The following RFTN1 variants were observed in gnomAD, a reference collection of about 807,000 sequenced individuals.
The protein encoded by RFTN1 is raftlin, lipid raft linker 1.
In RFTN1, 26 loss-of-function variants were observed where a neutral mutation model predicts 46.5. The observed-to-expected ratio is 0.56, with a 90% CI of 0.41 to 0.78. RFTN1 has a LOEUF of 0.78. Among genes scored for constraint, RFTN1 ranks in the 30% least tolerant of loss-of-function variants. RFTN1 has a pLI of 0.00. For missense variants in RFTN1, 693 were observed against 718.7 expected (o/e 0.96, Z 0.41); for synonymous variants, 261 against 284.2 (o/e 0.92, Z 0.82).
intron 2 of RFTN1, among the ~76,000 whole-genome samples, chr3:16,467,891 C>T (rs1369158787): frequency 6.6e-6 from 1 of 152,138 alleles, no homozygotes; most frequent in Admixed American, 6.5e-5. Flanking sequence ...ATCCCTCACC[C>T]CACTCGTGCA....
chr3:16,395,215 G>T (rs2074438848), intron 4 of RFTN1, among the ~76,000 whole-genome samples: 1 of 152,224 alleles, frequency 6.6e-6, no homozygotes, highest in Admixed American at 6.5e-5. Flanking sequence ...GGAAAAATAG[G>T]AGCTTGTCTT....
chr3:16,393,651 C>CCT (rs2074400593), intron 4 of RFTN1, among the ~76,000 whole-genome samples: 1 of 141,702 alleles, frequency 7.1e-6, no homozygotes, highest in Non-Finnish European at 1.5e-5. Flanking sequence ...AGCTGATGGA[C>CCT]TTTTTTTTTT....
rs954163033 is a variant in RFTN1, at chr3:16,370,248, C to A, written c.858G>T (p.Pro286=). The A allele has an allele frequency of 6.2e-7, 1 of 1,614,036 alleles. No homozygotes were observed. Among genetic ancestry groups the A allele is most frequent in the Non-Finnish European group, 8.5e-7 (1 of 1,180,018 alleles). The change falls in exon 6 of 10, where the codon CCG becomes CCT. Residue 286 remains proline (P), a synonymous_variant. Coordinates refer to ENST00000334133, the MANE Select transcript of RFTN1 (RefSeq NM_015150.2). The surrounding 1 kb of genome is among the most constrained non-coding windows in gnomAD (Gnocchi z 5.5). ...KMEIFTLFNK[P]KSHQKCRQYY... ...ATTGCCGGCACTTCTGATGGCTCTT[C>A]GGTTTGTTGAAAAGGGTGAAGATCT...
At chr3:16,405,840 C>G (rs1014519707) in intron 4 of RFTN1, among the ~76,000 whole-genome samples, 1 of 152,126 alleles carries the variant, frequency 6.6e-6, no homozygotes, top group Admixed American at 6.6e-5. Flanking sequence ...CCATCTCATC[C>G]TAAGATCAAT....
chr3:16,370,076 CA>C lies in RFTN1; in HGVS notation c.1029del (p.Asn343LysfsTer7), dbSNP rs1466791588. On this transcript the variant is annotated frameshift_variant and splice_region_variant, in exon 6 of 10. Transcript: ENST00000334133. LOFTEE classifies it high-confidence loss of function. This position sits in a 1 kb window ranked among gnomAD's most constrained non-coding sequence, Gnocchi z 5.5. ...CAAGGACTGTGAATTCCAAACATAC[CA>C]TTCACTATTCCAAGGTAGAAGACTG... ...VNAVFYLGIV[N>X]DSLHGLTDGV... The C allele has an allele frequency of 6.2e-7, 1 of 1,613,832 alleles. No homozygotes were observed. The highest frequency in any genetic ancestry group is 2.2e-5 in the East Asian group (1 of 44,878).
Position 16,342,981 on chromosome 3 carries a change from C to T in RFTN1, c.1146+14951G>A, listed in dbSNP as rs1223986825. 6.6e-6 allele frequency among the ~76,000 whole-genome samples: 1 copy of T among 152,188 alleles called. No individual in the cohort carries two copies. The highest frequency in any genetic ancestry group is 2.4e-5 in the African/African-American group (1 of 41,454). Reference sequence around the variant, plus strand: ...CAGCCCCTCTGAGTCGCTGGGAATACAGGCACACACCACCATGCCCAGCTA... The same window carrying T: ...CAGCCCCTCTGAGTCGCTGGGAATATAGGCACACACCACCATGCCCAGCTA... On this transcript the variant is annotated intron_variant, in intron 7 of 9. Coordinates refer to ENST00000334133, the MANE Select transcript of RFTN1 (RefSeq NM_015150.2). The surrounding 1 kb of genome is among the most constrained non-coding windows in gnomAD (Gnocchi z 4.0).
chr3:16,340,874 C>T (rs1349499325), intron 7 of RFTN1, among the ~76,000 whole-genome samples: 2 of 152,038 alleles, frequency 1.3e-5, no homozygotes, highest in Non-Finnish European at 2.9e-5. Context: ...GAAGACAAGT[C>T]AAAGACTAGG....
At chr3:16,482,883 G>T in intron 2 of RFTN1, 2 of 1,510,886 alleles carry the variant, frequency 1.3e-6, no homozygotes, top group Non-Finnish European at 1.8e-6. Flanking sequence ...CTCCCACCGG[G>T]GTGAGCTTAA....
chr3:16,326,764 T>TA lies in RFTN1; in HGVS notation c.1250+8dup. 1.2e-6 allele frequency: 2 copies of TA among 1,605,634 alleles called. No homozygotes were observed. The highest frequency in any genetic ancestry group is 1.7e-6 in the Non-Finnish European group (2 of 1,172,314). ...TCAATAGAATCCTAATGATTACTGT[T>TA]ATTGTTACCTGGTAGTCTTGACGAC... On this transcript the variant is annotated intron_variant, in intron 8 of 9. Transcript: ENST00000334133.
Position 16,374,425 on chromosome 3 carries a change from A to C in RFTN1, c.826+3293T>G, listed in dbSNP as rs1469180236. 6.6e-6 allele frequency among the ~76,000 whole-genome samples: 1 copy of C among 152,176 alleles called. No homozygotes were observed. Among genetic ancestry groups the C allele is most frequent in the East Asian group, 1.9e-4 (1 of 5,190 alleles). On this transcript the variant is annotated intron_variant, in intron 5 of 9. Coordinates refer to ENST00000334133, the MANE Select transcript of RFTN1 (RefSeq NM_015150.2). The surrounding 1 kb of genome is among the most constrained non-coding windows in gnomAD (Gnocchi z 5.4). ...GGGAGGGGGCCGCATCATGGGGTCC[A>C]ACTATCCCAAGGGAGTTGGGAGGGA...
chr3:16,482,826 AGAACAGCCTTTCTGCCAT>A, intron 2 of RFTN1: 1 of 1,536,100 alleles, frequency 6.5e-7, no homozygotes, highest in Non-Finnish European at 8.7e-7. Context: ...GCGCAGGGGC[AGAACAGCCTTTCTGCCAT>A]GAAGATGAAG....
rs1463501758 is a variant in RFTN1 at position 16,382,802 on chromosome 3, C to T, written c.442-4700G>A. ...TCTCCATAAAGTGACCATCCAAGCT[C>T]ACTTTATTTCAAGCCCTCATCATCT... On this transcript the variant is annotated intron_variant, in intron 4 of 9. Coordinates refer to ENST00000334133, the MANE Select transcript of RFTN1 (RefSeq NM_015150.2). This position sits in a 1 kb window ranked among gnomAD's most constrained non-coding sequence, Gnocchi z 4.7. 6.6e-6 allele frequency among the ~76,000 whole-genome samples: 1 copy of T among 152,176 alleles called. No individual in the cohort carries two copies. Among genetic ancestry groups the T allele is most frequent in the Non-Finnish European group, 1.5e-5 (1 of 68,028 alleles).
At chr3:16,363,946 T>C (rs1005375750) in intron 6 of RFTN1, among the ~76,000 whole-genome samples, 1 of 152,226 alleles carries the variant, frequency 6.6e-6, no homozygotes, top group African/African-American at 2.4e-5. Context: ...GCAAATGTAA[T>C]CACCGCTCAA....
At position 16,344,411 on chromosome 3, in the gene RFTN1, C is replaced by T. The variant is rs147087133; in HGVS notation, c.1146+13521G>A. The stretch of plus-strand genomic sequence containing the variant: ...TAGAAACAACATGTAAAAACAGATA[C>T]ATTCAGAAAAGGCGGCTCTGGTTGA... On this transcript the variant is annotated intron_variant, in intron 7 of 9. Coordinates refer to ENST00000334133, the MANE Select transcript of RFTN1 (RefSeq NM_015150.2). The surrounding 1 kb of genome is among the most constrained non-coding windows in gnomAD (Gnocchi z 4.4). Among the ~76,000 whole-genome samples the T allele has an allele frequency of 1.3e-4, 19 of 151,968 alleles. No individual in the cohort carries two copies. In the East Asian group the frequency reaches 3.5e-3, roughly 28 times the overall value.
chr3:16,360,058 A>G (rs1475114466), intron 6 of RFTN1, among the ~76,000 whole-genome samples: 1 of 152,226 alleles, frequency 6.6e-6, no homozygotes, highest in Admixed American at 6.5e-5. Context: ...TTTTATATAT[A>G]AAAAGCTTTT....
At chr3:16,505,438 T>A (rs1272817034) in intron 1 of RFTN1, among the ~76,000 whole-genome samples, 2 of 151,450 alleles carry the variant, frequency 1.3e-5, no homozygotes, top group African/African-American at 4.8e-5. Flanking sequence ...ACCAGTCAGA[T>A]GTGTGTGTGT....
At chr3:16,469,668 T>A (rs774338296) in intron 2 of RFTN1, among the ~76,000 whole-genome samples, 3 of 152,204 alleles carry the variant, frequency 2.0e-5, no homozygotes, top group African/African-American at 7.2e-5. Context: ...GGGGCAGACA[T>A]GCTGGCCTGA....
chr3:16,401,980 C>T (rs2074615187), intron 4 of RFTN1, among the ~76,000 whole-genome samples: 2 of 152,228 alleles, frequency 1.3e-5, no homozygotes, highest in Admixed American at 1.3e-4. Context: ...ACACCTCAGA[C>T]ACCCACATCT....
At chr3:16,368,490 C>T (rs1210716660) in intron 6 of RFTN1, among the ~76,000 whole-genome samples, 8 of 152,094 alleles carry the variant, frequency 5.3e-5, no homozygotes, top group East Asian at 1.9e-4. Flanking sequence ...GCTAACACAG[C>T]GAAACCCCAT....
Sources: gnomAD v4.1 joint callset for allele counts (sites outside exome capture counted in the v4.1 genomes callset) on GRCh38, gnomAD v4.1.1 for gene constraint, Gnocchi (gnomAD v3.1) non-coding constraint, MANE v1.5 for transcripts, NCBI Gene and HGNC (gene_info 2026-07-23, HGNC 2026-07-21) for gene names.